Variants in PLCB4 observed in about 807,000 individuals in gnomAD.
The protein encoded by PLCB4 is 1-phosphatidylinositol 4,5-bisphosphate phosphodiesterase beta-4.
In PLCB4, 77 loss-of-function variants were observed where a neutral mutation model predicts 178.8. The observed-to-expected ratio is 0.43, with a 90% CI of 0.36 to 0.52. The LOEUF is 0.52. Ranked by LOEUF, PLCB4 falls within the 20% of genes least tolerant of loss-of-function variation. PLCB4 has a pLI of 0.00. For missense variants in PLCB4, 1,024 were observed against 1,453.4 expected, an observed-to-expected ratio of 0.70 and a Z score of 4.80; for synonymous variants, 496 against 490.8, an observed-to-expected ratio of 1.01 and a Z score of -0.14.
At chr20:9,468,008 C>T (rs1356404427) in intron 35 of PLCB4, among the ~76,000 whole-genome samples, 1 of 152,162 alleles carries the variant, frequency 6.6e-6, no homozygotes, top group Non-Finnish European at 1.5e-5. Flanking sequence ...TACTTGAAAC[C>T]ATTTAGTCCC....
At position 9,395,484 on chromosome 20, in the gene PLCB4, A is replaced by T. The variant is rs749161460; in HGVS notation, c.1415-39A>T. On this transcript the variant is annotated intron_variant, in intron 18 of 39. Coordinates refer to ENST00000378473, the MANE Select transcript of PLCB4 (RefSeq NM_001377142.1). ...AAGGCCTAGGGTTTGTATGTTACCT[A>T]GCATCTGTCACCATCTCTTTGCGTG... 7 of 1,373,386 alleles carry T rather than the reference A, an allele frequency of 5.1e-6. No homozygotes were observed. The South Asian group carries it at 8.1e-5, about 16-fold the overall frequency. The allele number at this position is 1,373,386 out of a possible 1,614,324, so 85.1% of individuals were successfully genotyped here.
chr20:9,163,367 G>A (rs1373342924), intron 2 of PLCB4, among the ~76,000 whole-genome samples: 1 of 152,146 alleles, frequency 6.6e-6, no homozygotes, highest in Non-Finnish European at 1.5e-5. Context: ...GCAAATCTGA[G>A]CAGAGTCAAA....
intron 1 of PLCB4, among the ~76,000 whole-genome samples, chr20:9,077,809 A>G (rs1156572146): frequency 6.6e-6 from 1 of 152,188 alleles, no homozygotes; most frequent in Non-Finnish European, 1.5e-5. Context: ...AATTAATTTC[A>G]TTGCTGAAAA....
intron 14 of PLCB4, 73 bp from the exon 15 acceptor site, chr20:9,387,390 T>A: frequency 1.4e-6 from 1 of 733,480 alleles, no homozygotes; most frequent in Non-Finnish European, 2.3e-6. Flanking sequence ...CTTATTTTGA[T>A]GTCTTTCTTT....
intron 2 of PLCB4, among the ~76,000 whole-genome samples, chr20:9,174,452 C>CTTTTTTTTTTTTT (rs71184133): frequency 7.1e-6 from 1 of 141,416 alleles, no homozygotes; most frequent in African/African-American, 2.6e-5. Flanking sequence ...GCCTATTCTT[C>CTTTTTTTTTTTTT]TTTTTTTTTT....
intron 2 of PLCB4, among the ~76,000 whole-genome samples, chr20:9,203,182 T>G (rs907282732): frequency 2.0e-5 from 3 of 151,806 alleles, no homozygotes; most frequent in Non-Finnish European, 4.4e-5. Flanking sequence ...TGTTCTCACT[T>G]ACTGGCTAGT....
chr20:9,304,427 A>G (rs2094741226), intron 3 of PLCB4, among the ~76,000 whole-genome samples: 1 of 152,104 alleles, frequency 6.6e-6, no homozygotes, highest in South Asian at 2.1e-4. Flanking sequence ...GTGGGTAGCC[A>G]GGGTGCAAAG....
intron 1 of PLCB4, among the ~76,000 whole-genome samples, chr20:9,080,289 G>A (rs929113060): frequency 1.3e-5 from 2 of 152,088 alleles, no homozygotes; most frequent in African/African-American, 4.8e-5. Context: ...TACTTGTCCT[G>A]AATGAACAAG....
intron 30 of PLCB4, among the ~76,000 whole-genome samples, chr20:9,440,483 A>G (rs561997664): frequency 1.3e-5 from 2 of 152,244 alleles, no homozygotes; most frequent in Middle Eastern, 3.2e-3. Context: ...TACTGAATGC[A>G]TATCACTTTT....
chr20:9,142,695 C>T (rs540140910), intron 2 of PLCB4, among the ~76,000 whole-genome samples: 14 of 152,266 alleles, frequency 9.2e-5, no homozygotes, highest in African/African-American at 3.1e-4. Context: ...CACCCTTCTT[C>T]ACCTGGATTC....
At chr20:9,075,343 A>G (rs551774353) in intron 1 of PLCB4, among the ~76,000 whole-genome samples, 8 of 152,332 alleles carry the variant, frequency 5.3e-5, no homozygotes, top group African/African-American at 1.7e-4. Context: ...GCTTCTGGCA[A>G]TCCTGCTGTG....
At chr20:9,219,553 T>C (rs964449336) in intron 3 of PLCB4, among the ~76,000 whole-genome samples, 8 of 152,164 alleles carry the variant, frequency 5.3e-5, no homozygotes, top group African/African-American at 1.9e-4. Flanking sequence ...TCTCACCCAA[T>C]AGGACCTGAT....
At chr20:9,296,814 C>A (rs1223366729) in intron 3 of PLCB4, among the ~76,000 whole-genome samples, 1 of 151,618 alleles carries the variant, frequency 6.6e-6, no homozygotes, top group Non-Finnish European at 1.5e-5. Flanking sequence ...ACAATGAGAA[C>A]ACATGGACAC....
rs371116404 is a variant in PLCB4, at chr20:9,413,852, C to T, written c.2051+2764C>T. On this transcript the variant is annotated intron_variant, in intron 25 of 39. Transcript: ENST00000378473. ...CGTGGCTCATTGAGGCCTTGACATCCTGGGCTCAATCCATCCTCCCTCCTC... is the reference window on the plus strand; with the variant it reads ...CGTGGCTCATTGAGGCCTTGACATCTTGGGCTCAATCCATCCTCCCTCCTC... Among the ~76,000 whole-genome samples, 714 of 152,204 alleles carry T rather than the reference C, an allele frequency of 4.7e-3. 6 individuals carry two copies. Among genetic ancestry groups the T allele is most frequent in the Non-Finnish European group, 7.7e-3 (522 of 68,002 alleles).
intron 2 of PLCB4, among the ~76,000 whole-genome samples, chr20:9,182,007 C>T (rs1375892839): frequency 6.6e-6 from 1 of 152,166 alleles, no homozygotes; most frequent in Admixed American, 6.5e-5. Flanking sequence ...ATTTTAGCAA[C>T]AGTCATGAGA....
chr20:9,468,778 T>C (rs1336718674), intron 36 of PLCB4, 106 bp downstream of exon 36: 2 of 623,848 alleles, frequency 3.2e-6, no homozygotes, highest in African/African-American at 3.6e-5. Flanking sequence ...AGCAAAACAC[T>C]TGTGGCTTTT....
At chr20:9,360,506 CT>C (rs1355655723) in intron 7 of PLCB4, among the ~76,000 whole-genome samples, 1 of 150,480 alleles carries the variant, frequency 6.6e-6, no homozygotes, top group Non-Finnish European at 1.5e-5. Context: ...AAACTATGGA[CT>C]TTGTTTTGTG....
chr20:9,464,070 A>G (rs891596343), intron 35 of PLCB4, among the ~76,000 whole-genome samples: 7 of 152,316 alleles, frequency 4.6e-5, no homozygotes, highest in South Asian at 2.1e-4. Context: ...AGAAATCACA[A>G]CAAACTATCT....
chr20:9,104,955 T>G (rs2146653042), intron 2 of PLCB4, among the ~76,000 whole-genome samples: 1 of 152,254 alleles, frequency 6.6e-6, no homozygotes, highest in East Asian at 1.9e-4. Context: ...AGATTTTATG[T>G]TCCTTGGAGG....
Sources: gnomAD v4.1 joint callset for allele counts (sites outside exome capture counted in the v4.1 genomes callset) on GRCh38, gnomAD v4.1.1 for gene constraint, MANE v1.5 for transcripts, NCBI Gene and HGNC (gene_info 2026-07-23, HGNC 2026-07-21) for gene names.